The following PDCD1LG2 variants were observed in gnomAD, a reference collection of about 807,000 sequenced individuals.
PDCD1LG2 encodes the protein B7 dendritic cell molecule.
PDCD1LG2 carries 32 observed loss-of-function variants against 28.2 expected under a neutral mutation model. That is an observed-to-expected ratio of 1.13 (90% CI 0.86 to 1.52). The LOEUF (loss-of-function observed/expected upper bound fraction) is 1.52. Ranked by LOEUF, PDCD1LG2 falls within the 40% of genes most tolerant of loss-of-function variation. The pLI is 0.00. For synonymous variants in PDCD1LG2, 116 were observed against 120.2 expected (o/e 0.97, Z 0.23); for missense variants, 385 against 323.8 (o/e 1.19, Z -1.45).
chr9:5,522,017 A>T (rs1207381881), intron 1 of PDCD1LG2, among the ~76,000 whole-genome samples: 5 of 152,158 alleles, frequency 3.3e-5, no homozygotes, highest in Non-Finnish European at 7.3e-5. Context: ...AGAGGGGCAA[A>T]CTCAATTCCA....
chr9:5,535,744 G>T (rs937028309), intron 3 of PDCD1LG2, among the ~76,000 whole-genome samples: 1 of 152,156 alleles, frequency 6.6e-6, no homozygotes, highest in Non-Finnish European at 1.5e-5. Flanking sequence ...GAGAAGGGAA[G>T]TGGGTAGCCC....
At chr9:5,526,584 T>A (rs1179444630) in intron 2 of PDCD1LG2, among the ~76,000 whole-genome samples, 1 of 152,148 alleles carries the variant, frequency 6.6e-6, no homozygotes, top group Non-Finnish European at 1.5e-5. Flanking sequence ...ACTACAGGCA[T>A]GTACCACCCG....
chr9:5,517,547 C>A (rs2129700386), intron 1 of PDCD1LG2, among the ~76,000 whole-genome samples: 1 of 152,346 alleles, frequency 6.6e-6, no homozygotes, highest in South Asian at 2.1e-4. Flanking sequence ...GGGTTTTACA[C>A]TGAGTGAAAT....
At chr9:5,530,189 C>T (rs1322622617) in intron 2 of PDCD1LG2, among the ~76,000 whole-genome samples, 1 of 152,080 alleles carries the variant, frequency 6.6e-6, no homozygotes, top group African/African-American at 2.4e-5. Flanking sequence ...GCAAAGCTCC[C>T]CCAAGAATTT....
chr9:5,514,887 T>G (rs1246982311), intron 1 of PDCD1LG2, among the ~76,000 whole-genome samples: 8 of 151,986 alleles, frequency 5.3e-5, no homozygotes, highest in African/African-American at 1.9e-4. Flanking sequence ...GACATTTGCT[T>G]GGGAAGCTCA....
At chr9:5,567,523 T>C (rs1816689598) in intron 6 of PDCD1LG2, among the ~76,000 whole-genome samples, 1 of 152,236 alleles carries the variant, frequency 6.6e-6, no homozygotes, top group Non-Finnish European at 1.5e-5. Context: ...TCATCTATCC[T>C]TTACAAAATA....
chr9:5,525,268 C>A (rs922205673), intron 2 of PDCD1LG2, among the ~76,000 whole-genome samples: 1 of 151,516 alleles, frequency 6.6e-6, no homozygotes, highest in African/African-American at 2.4e-5. Flanking sequence ...TTGCTTGAAC[C>A]CAGGAGGCAG....
At chr9:5,532,926 TATAG>T (rs895889310) in intron 2 of PDCD1LG2, among the ~76,000 whole-genome samples, 15 of 152,324 alleles carry the variant, frequency 9.8e-5, no homozygotes, top group African/African-American at 2.4e-4. Context: ...AACCTCATTT[TATAG>T]ATAAAGAGGC....
chr9:5,533,940 A>G (rs1563825273), intron 2 of PDCD1LG2, among the ~76,000 whole-genome samples: 1 of 150,842 alleles, frequency 6.6e-6, no homozygotes, highest in Non-Finnish European at 1.5e-5. Flanking sequence ...ATATACATTA[A>G]GTATCAGTTC....
At chr9:5,537,624 C>A (rs1820606117) in intron 3 of PDCD1LG2, among the ~76,000 whole-genome samples, 1 of 152,078 alleles carries the variant, frequency 6.6e-6, no homozygotes, top group Admixed American at 6.5e-5. Context: ...CAAACTATCC[C>A]AAGGACAAAA....
intron 1 of PDCD1LG2, among the ~76,000 whole-genome samples, chr9:5,512,794 A>G (rs1489785445): frequency 6.6e-6 from 1 of 151,856 alleles, no homozygotes; most frequent in Non-Finnish European, 1.5e-5. Context: ...CCCATCTTCT[A>G]TTTCTCCCTG....
chr9:5,535,495 C>T (rs757600851), intron 3 of PDCD1LG2, among the ~76,000 whole-genome samples: 5 of 152,122 alleles, frequency 3.3e-5, no homozygotes, highest in African/African-American at 9.7e-5. Context: ...ACCAGATGCA[C>T]GTTTCCCGCC....
At chr9:5,527,823 C>T (rs539691310) in intron 2 of PDCD1LG2, among the ~76,000 whole-genome samples, 48 of 151,678 alleles carry the variant, frequency 3.2e-4, no homozygotes, top group African/African-American at 9.9e-4. Flanking sequence ...CACTGGTATT[C>T]TTTTCTATTT....
intron 4 of PDCD1LG2, 133 bp downstream of exon 4, chr9:5,549,737 A>C: frequency 8.8e-7 from 1 of 1,141,142 alleles, no homozygotes; most frequent in Non-Finnish European, 1.2e-6. Context: ...TGGAGAAACT[A>C]CAAAGGATAG....
Position 5,549,491 on chromosome 9 carries a change from TCTAC to T in PDCD1LG2, c.520_523del (p.Tyr174ArgfsTer8), listed in dbSNP as rs1816280447. 3.7e-6 allele frequency: 6 copies of T among 1,614,178 alleles called. No homozygotes were observed. Among genetic ancestry groups the T allele is most frequent in the African/African-American group, 1.3e-5 (1 of 75,054 alleles). On this transcript the variant is annotated frameshift_variant, in exon 4 of 7. Coordinates refer to ENST00000397747, the MANE Select transcript of PDCD1LG2 (RefSeq NM_025239.4). LOFTEE classifies it high-confidence loss of function. ...AGCCACTCCAGGACCCCTGAAGGCCTCTACCAGGTCACCAGTGTTCTGCGCCTAA... is the reference window on the plus strand; with the variant it reads ...AGCCACTCCAGGACCCCTGAAGGCCTCAGGTCACCAGTGTTCTGCGCCTAA...
At chr9:5,514,015 G>C (rs1284169352) in intron 1 of PDCD1LG2, among the ~76,000 whole-genome samples, 2 of 152,214 alleles carry the variant, frequency 1.3e-5, no homozygotes, top group Non-Finnish European at 2.9e-5. Context: ...GGATAGCCGG[G>C]CTCTACTAGA....
chr9:5,531,517 G>A (rs906663207), intron 2 of PDCD1LG2, among the ~76,000 whole-genome samples: 5 of 152,146 alleles, frequency 3.3e-5, no homozygotes, highest in African/African-American at 1.2e-4. Flanking sequence ...TGTCTGACAA[G>A]TAGCATATTT....
chr9:5,549,420 T>A lies in PDCD1LG2; in HGVS notation c.447T>A (p.Pro149=), dbSNP rs1428699044. The A allele has an allele frequency of 6.2e-7, 1 of 1,614,180 alleles. No homozygotes were observed. Among genetic ancestry groups the A allele is most frequent in the African/African-American group, 1.3e-5 (1 of 75,044 alleles). The change falls in exon 4 of 7, where the codon CCT becomes CCA. Residue 149 remains proline, a synonymous_variant. Coordinates refer to ENST00000397747, the MANE Select transcript of PDCD1LG2 (RefSeq NM_025239.4). ...TCACCTGCCAGGCTACAGGTTATCC[T>A]CTGGCAGAAGTATCCTGGCCAAACG... ...VELTCQATGY[P]LAEVSWPNVS...
At chr9:5,542,841 G>A (rs1820711451) in intron 3 of PDCD1LG2, among the ~76,000 whole-genome samples, 1 of 149,574 alleles carries the variant, frequency 6.7e-6, no homozygotes, top group Non-Finnish European at 1.5e-5. Context: ...TTTACCCAAA[G>A]GAAAAGAAGT....
Sources: allele counts gnomAD v4.1 joint callset (sites outside exome capture counted in the v4.1 genomes callset), GRCh38; gene constraint gnomAD v4.1.1; transcripts MANE v1.5; gene names NCBI Gene and HGNC (gene_info 2026-07-23, HGNC 2026-07-21).